The following HCRTR1 variants were observed in gnomAD, a reference collection of about 807,000 sequenced individuals.
HCRTR1 encodes orexin/Hypocretin receptor type 1.
In HCRTR1, 28 loss-of-function variants were observed where a neutral mutation model predicts 40.6. The observed-to-expected ratio is 0.69, with a 90% confidence interval of 0.51 to 0.95. The LOEUF (loss-of-function observed/expected upper bound fraction) is 0.95, where lower values mean the gene tolerates loss of function less well. Ranked by LOEUF, HCRTR1 falls within the 40% of genes least tolerant of loss-of-function variation. HCRTR1 has a pLI of 0.00. For synonymous variants in HCRTR1, 209 were observed against 230.0 expected (o/e 0.91, Z 0.83); for missense variants, 482 against 564.7 (o/e 0.85, Z 1.48).
chr1:31,622,393 C>T (rs936886672), intron 6 of HCRTR1, among the ~76,000 whole-genome samples: 4 of 151,940 alleles, frequency 2.6e-5, no homozygotes, highest in South Asian at 2.1e-4. Context: ...CAGGCCATGC[C>T]GGGCAGCGGA....
Position 31,623,750 on chromosome 1 carries a change from G to A in HCRTR1, c.965+1G>A, listed in dbSNP as rs1391674799. On this transcript the variant is annotated splice_donor_variant, in intron 7 of 8. Transcript: ENST00000403528. LOFTEE classifies it high-confidence loss of function. ...TCAGCGTCCTCAATGTCCTTAAGAG[G>A]TGAGAGCACGGGGTATGGTTGGGGT... The A allele has an allele frequency of 1.2e-6, 2 of 1,611,674 alleles. No homozygotes were observed. The highest frequency in any genetic ancestry group is 1.7e-6 in the Non-Finnish European group (2 of 1,178,144).
At position 31,624,604 on chromosome 1, in the gene HCRTR1, C is replaced by T. The variant is rs377182409; in HGVS notation, c.966-393C>T. ...AGAATGCAGGCTATTGGACAGAAGA[C>T]AGTTTCACTTTGAGATTGTGCTTGG... On this transcript the variant is annotated intron_variant, in intron 7 of 8. Coordinates refer to ENST00000403528, the MANE Select transcript of HCRTR1 (RefSeq NM_001525.3). Among the ~76,000 whole-genome samples the T allele has an allele frequency of 6.6e-5, 10 of 152,306 alleles. No individual in the cohort carries two copies. The South Asian group carries it at 2.1e-3, about 32-fold the overall frequency.
At chr1:31,629,096 T>C (rs1265047770), downstream of HCRTR1, among the ~76,000 whole-genome samples, 1 of 152,230 alleles carries the variant, frequency 6.6e-6, no homozygotes, top group Admixed American at 6.5e-5. Flanking sequence ...ATGGGGACTA[T>C]GAACGGAATT....
chr1:31,626,636 T>G lies in HCRTR1; in HGVS notation c.1088-154T>G, dbSNP rs964688571. Reference sequence around the variant, plus strand: ...TCCTCTCTCTCTGGCGGTGCCGAGGTTGCCTCAGGGCTCTCCCTCCCAGCT... The same window carrying G: ...TCCTCTCTCTCTGGCGGTGCCGAGGGTGCCTCAGGGCTCTCCCTCCCAGCT... On this transcript the variant is annotated intron_variant, in intron 8 of 8. Transcript: ENST00000403528. This position sits in a 1 kb window ranked among gnomAD's most constrained non-coding sequence, Gnocchi z 4.6. Among the ~76,000 whole-genome samples, 1 of 152,058 alleles carries G rather than the reference T, an allele frequency of 6.6e-6. No homozygotes were observed. Among genetic ancestry groups the G allele is most frequent in the Non-Finnish European group, 1.5e-5 (1 of 67,996 alleles).
Position 31,619,218 on chromosome 1 carries a change from C to A in HCRTR1, c.26C>A (p.Ala9Asp). Residue 9 changes from alanine (A) to aspartate (D), a missense_variant, in exon 3 of 9, where the codon GCC (alanine) becomes GAC (aspartate). By Grantham distance (126) the Ala-to-Asp change is moderately radical. Coordinates refer to ENST00000403528, the MANE Select transcript of HCRTR1 (RefSeq NM_001525.3). MEPSATPG[A>D]QMGVPPGSRE... ...ATGGAGCCCTCAGCCACCCCAGGGG[C>A]CCAGATGGGGGTCCCCCCTGGCAGC... 6.2e-7 allele frequency: 1 copy of A among 1,612,750 alleles called. No individual in the cohort carries two copies. Among genetic ancestry groups the A allele is most frequent in the African/African-American group, 1.3e-5 (1 of 75,058 alleles).
chr1:31,633,858 A>C (rs1343325175), downstream of HCRTR1, among the ~76,000 whole-genome samples: 1 of 152,046 alleles, frequency 6.6e-6, no homozygotes, highest in African/African-American at 2.4e-5. Flanking sequence ...GGGAGGCTGA[A>C]GCAGGAGAAT....
rs201163440 is a variant in HCRTR1, at chr1:31,619,635, G to A, written c.303G>A (p.Pro101=). ...TTCTGGTGACTGCTATCTGCCTGCCGGCCAGCCTGCTGGTGGACATCACTG... is the reference window on the plus strand; with the variant it reads ...TTCTGGTGACTGCTATCTGCCTGCCAGCCAGCCTGCTGGTGGACATCACTG... ...ADVLVTAICL[P]ASLLVDITES... Residue 101 remains proline, a synonymous_variant, in exon 4 of 9, where the codon CCG becomes CCA. Transcript: ENST00000403528. The A allele has an allele frequency of 8.9e-5, 143 of 1,613,950 alleles. No homozygotes were observed. The South Asian group carries it at 9.9e-4, about 11-fold the overall frequency.
At chr1:31,632,140 T>C (rs973021670), downstream of HCRTR1, among the ~76,000 whole-genome samples, 5 of 152,202 alleles carry the variant, frequency 3.3e-5, no homozygotes, top group African/African-American at 1.2e-4. Flanking sequence ...GCTCTTTCCA[T>C]TCTACATGCT....
chr1:31,620,852 G>T lies in HCRTR1; in HGVS notation c.388G>T (p.Val130Leu). ...KVIPYLQAVS[V>L]SVAVLTLSFI... ...TGTCCCCGTGGGGCAGGCTGTGTCC[G>T]TGTCAGTGGCAGTGCTAACTCTCAG... is the stretch of plus-strand genomic sequence containing the variant. The change falls in exon 5 of 9, where the codon GTG becomes TTG. Residue 130 changes from valine (V) to leucine (L), a missense_variant. By Grantham distance (32) the Val-to-Leu change is conservative. Transcript: ENST00000403528. The T allele has an allele frequency of 6.2e-7, 1 of 1,613,708 alleles. No individual in the cohort carries two copies. Among genetic ancestry groups the T allele is most frequent in the Non-Finnish European group, 8.5e-7 (1 of 1,179,836 alleles).
At chr1:31,621,343 G>A (rs982661750) in intron 5 of HCRTR1, 134 bp from the exon 6 acceptor site, 6 of 827,338 alleles carry the variant, frequency 7.3e-6, no homozygotes, top group Non-Finnish European at 1.2e-5. Context: ...GTCTCTGTCT[G>A]TCATGGTGGC....
At chr1:31,623,059 T>G (rs1483385135) in intron 6 of HCRTR1, among the ~76,000 whole-genome samples, 10 of 152,166 alleles carry the variant, frequency 6.6e-5, no homozygotes, top group Admixed American at 6.5e-4. Context: ...CTGGGCGCAG[T>G]GGCTCACACC....
chr1:31,626,669 T>TC lies in HCRTR1; in HGVS notation c.1088-118dup. ...GGGCTCTCCCTCCCAGCTCTATCCC[T>TC]CCCTCCCTCCCCGCCCCCTCATAGG... On this transcript the variant is annotated intron_variant, in intron 8 of 8. Transcript: ENST00000403528. The surrounding 1 kb of genome is among the most constrained non-coding windows in gnomAD (Gnocchi z 4.6). The TC allele has an allele frequency of 2.5e-6, 1 of 394,112 alleles. No individual in the cohort carries two copies. The highest frequency in any genetic ancestry group is 5.1e-6 in the Non-Finnish European group (1 of 196,622). The allele number at this position is 394,112 out of a possible 1,614,324, so 24.4% of individuals were successfully genotyped here. A position where few individuals can be genotyped will look rare whatever the true frequency, so the allele number is the denominator to read the frequency against.
downstream of HCRTR1, among the ~76,000 whole-genome samples, chr1:31,632,032 A>C (rs1018440122): frequency 6.6e-6 from 1 of 152,188 alleles, no homozygotes; most frequent in African/African-American, 2.4e-5. Context: ...ATCTTCCCCA[A>C]CTGCAACTTT....
At chr1:31,631,253 T>A (rs1640094522), downstream of HCRTR1, among the ~76,000 whole-genome samples, 1 of 152,232 alleles carries the variant, frequency 6.6e-6, no homozygotes. Flanking sequence ...AGTCAGCCAC[T>A]GGGCAAGTTG....
downstream of HCRTR1, among the ~76,000 whole-genome samples, chr1:31,629,225 G>A (rs1251644598): frequency 1.3e-5 from 2 of 152,212 alleles, no homozygotes; most frequent in Admixed American, 6.5e-5. Context: ...ACACTGCTGG[G>A]CCTCACTGAC....
At chr1:31,627,805 G>A (rs114705912), downstream of HCRTR1, among the ~76,000 whole-genome samples, 359 of 152,264 alleles carry the variant, frequency 2.4e-3, 1 homozygote, top group African/African-American at 8.1e-3. Flanking sequence ...CTCCTCATGC[G>A]GTGCCAATCC....
At chr1:31,631,730 A>G (rs1399658150), downstream of HCRTR1, among the ~76,000 whole-genome samples, 1 of 152,246 alleles carries the variant, frequency 6.6e-6, no homozygotes, top group South Asian at 2.1e-4. Flanking sequence ...CCTTACTAAT[A>G]TCCACGACAA....
downstream of HCRTR1, among the ~76,000 whole-genome samples, chr1:31,634,072 T>C (rs1195030536): frequency 6.6e-6 from 1 of 152,112 alleles, no homozygotes; most frequent in African/African-American, 2.4e-5. Context: ...AAGACAGCCA[T>C]GGGCAGTTGT....
chr1:31,619,575 C>T lies in HCRTR1; in HGVS notation c.243C>T (p.Thr81=). The T allele has an allele frequency of 6.2e-7, 1 of 1,614,134 alleles. No individual in the cohort carries two copies. The highest frequency in any genetic ancestry group is 8.5e-7 in the Non-Finnish European group (1 of 1,180,018). ...VWRNHHMRTV[T]NYFIVNLSLA... is the part of the protein sequence containing the mutation. ...GGAACCACCACATGAGGACAGTCAC[C>T]AACTACTTCATTGTCAACCTGTCCC... The change falls in exon 4 of 9, where the codon ACC becomes ACT. Residue 81 remains threonine, a synonymous_variant. Transcript: ENST00000403528.
Sources: allele counts gnomAD v4.1 joint callset (sites outside exome capture counted in the v4.1 genomes callset), GRCh38; gene constraint gnomAD v4.1.1; non-coding constraint Gnocchi (gnomAD v3.1); transcripts MANE v1.5; gene names NCBI Gene and HGNC (gene_info 2026-07-23, HGNC 2026-07-21).